The following SLC35B1 variants were observed in gnomAD, a reference collection of about 807,000 sequenced individuals.
SLC35B1 encodes solute carrier family 35 member B1, also known as ATP/ADP exchanger ER.
A neutral mutation model predicts 36.6 loss-of-function variants in SLC35B1; 27 were observed. The observed-to-expected ratio is 0.74, with a 90% CI of 0.54 to 1.02. The LOEUF is 1.02. Among genes scored for constraint, SLC35B1 ranks in the 50% least tolerant of loss-of-function variants. The pLI, the probability that SLC35B1 is intolerant of heterozygous loss-of-function variation, is 0.00. For synonymous variants in SLC35B1, 162 were observed against 152.5 expected (o/e 1.06, Z -0.46); for missense variants, 321 against 383.2 (o/e 0.84, Z 1.35).
rs2073435652 is a variant in SLC35B1, at chr17:49,707,604, T to C, written c.104+126A>G. On this transcript the variant is annotated intron_variant, in intron 1 of 8. Coordinates refer to ENST00000240333, the MANE Select transcript of SLC35B1 (RefSeq NM_005827.4). ...GGCTCAGCCATAGCTGCAAAAGTAG[T>C]AGGGTGCTAAGAGGGCGACAGCCGG... The C allele has an allele frequency of 8.3e-6, 12 of 1,447,262 alleles. No homozygotes were observed. In the South Asian group the frequency reaches 1.6e-4, roughly 20 times the overall value. 89.7% of individuals were successfully genotyped at this position (1,447,262 alleles called of 1,614,324 possible).
rs748233244 is a variant in SLC35B1 at position 49,706,221 on chromosome 17, C to G, written c.322G>C (p.Val108Leu). 7 of 1,599,226 alleles carry G rather than the reference C, an allele frequency of 4.4e-6. No individual in the cohort carries two copies. In the East Asian group the frequency reaches 1.1e-4, roughly 26 times the overall value. Residue 108 changes from valine (V) to leucine (L), a missense_variant, in exon 3 of 9, where the codon GTC becomes CTC. By Grantham distance (32) the Val-to-Leu change is conservative. Coordinates refer to ENST00000240333, the MANE Select transcript of SLC35B1 (RefSeq NM_005827.4). ...GGTTTCACCTGAGTTGGGTAGTTGA[C>G]AAACTGTAGTGCTGAATTGCTGGAG... ...MVSSNSALQF[V>L]NYPTQVLGKS...
At chr17:49,701,740 A>G in intron 8 of SLC35B1, 1 of 461,838 alleles carries the variant, frequency 2.2e-6, no homozygotes, top group Non-Finnish European at 3.9e-6. Flanking sequence ...AGAGATACAG[A>G]TAGATATAGA....
At chr17:49,704,063 G>A (rs762236424) in intron 6 of SLC35B1, 37 bp downstream of exon 6, 2 of 1,613,260 alleles carry the variant, frequency 1.2e-6, no homozygotes. Context: ...CCTGCCCTCT[G>A]GTGATACATG....
chr17:49,703,322 G>C (rs1285074351), intron 6 of SLC35B1, 28 bp from the exon 7 acceptor site: 23 of 1,462,856 alleles, frequency 1.6e-5, no homozygotes, highest in Non-Finnish European at 1.9e-5. Flanking sequence ...CAAATGTACG[G>C]CGCATTTTGT....
Position 49,705,323 on chromosome 17 carries a change from G to T in SLC35B1, c.371-42C>A, listed in dbSNP as rs2073402598. The T allele has an allele frequency of 2.5e-6, 4 of 1,591,138 alleles. No homozygotes were observed. The South Asian group carries it at 3.4e-5, about 13-fold the overall frequency. On this transcript the variant is annotated intron_variant, in intron 4 of 8. Transcript: ENST00000240333. ...GAGTGGAAAATTCAGGCATCCATAA[G>T]GTATTGATGACCCCAATGCCCTCCC...
chr17:49,707,970 G>A, upstream of SLC35B1: 5 of 1,529,090 alleles, frequency 3.3e-6, no homozygotes, highest in Non-Finnish European at 4.4e-6. Flanking sequence ...CCGCTGTCCA[G>A]CAGGGCCCAG....
At chr17:49,707,097 G>A (rs368647299) in intron 1 of SLC35B1, 29 bp from the exon 2 acceptor site, 6 of 1,560,854 alleles carry the variant, frequency 3.8e-6, no homozygotes, top group African/African-American at 2.7e-5. Flanking sequence ...AGAAAAGAGG[G>A]AGAAATTAGT....
chr17:49,701,693 A>C (rs776180269), intron 8 of SLC35B1, 183 bp from the exon 9 acceptor site: 24 of 568,976 alleles, frequency 4.2e-5, no homozygotes, highest in Non-Finnish European at 7.2e-5. Flanking sequence ...GATACTAGTT[A>C]TTACAGATAT....
chr17:49,706,100 A>G, intron 3 of SLC35B1, 104 bp downstream of exon 3: 3 of 1,006,080 alleles, frequency 3.0e-6, no homozygotes, highest in Non-Finnish European at 4.3e-6. Flanking sequence ...CAGGACCGTT[A>G]TCTTTTTTTT....
upstream of SLC35B1, chr17:49,708,023 A>G (rs2073444762): frequency 1.6e-6 from 2 of 1,235,448 alleles, no homozygotes; most frequent in African/African-American, 3.0e-5. Flanking sequence ...CCAAGGGGGA[A>G]ACTCCTCAGA....
Position 49,703,974 on chromosome 17 carries a change from A to T in SLC35B1, c.655+126T>A. Reference sequence around the variant, plus strand: ...CCAGGAAGGTTTCTCAAGGGCTTGAACAAAAGGGCATCTTGGAACTAATTC... The same window carrying T: ...CCAGGAAGGTTTCTCAAGGGCTTGATCAAAAGGGCATCTTGGAACTAATTC... On this transcript the variant is annotated intron_variant, in intron 6 of 8. Coordinates refer to ENST00000240333, the MANE Select transcript of SLC35B1 (RefSeq NM_005827.4). 14 of 1,307,614 alleles carry T rather than the reference A, an allele frequency of 1.1e-5. No homozygotes were observed. In the South Asian group the frequency reaches 1.7e-4, roughly 16 times the overall value. The allele number at this position is 1,307,614 out of a possible 1,614,324, so 81.0% of individuals were successfully genotyped here.
intron 1 of SLC35B1, 121 bp from the exon 2 acceptor site, chr17:49,707,189 TTTG>T: frequency 7.6e-7 from 1 of 1,321,402 alleles, no homozygotes. Flanking sequence ...GTAGGCAGAG[TTTG>T]TTAAGGACCA....
At chr17:49,707,689 G>A (rs2073437018) in intron 1 of SLC35B1, 41 bp downstream of exon 1, 2 of 1,596,386 alleles carry the variant, frequency 1.3e-6, no homozygotes, top group African/African-American at 1.3e-5. Context: ...CCCTGTCACA[G>A]GCTGGGGAGA....
At position 49,706,301 on chromosome 17, in the gene SLC35B1, C is replaced by T. The variant is rs1135034; in HGVS notation, c.242G>A (p.Arg81His). The T allele has an allele frequency of 0.081, 121,312 of 1,490,576 alleles. 5,124 individuals carry two copies. Among genetic ancestry groups the T allele is most frequent in the African/African-American group, 0.098 (6,047 of 61,792 alleles). The allele number at this position is 1,490,576 out of a possible 1,614,324, so 92.3% of individuals were successfully genotyped here. A position where few individuals can be genotyped will look rare whatever the true frequency, so the allele number is the denominator to read the frequency against. Residue 81 changes from arginine to histidine, a missense_variant, in exon 3 of 9, where the codon CGT becomes CAT. Coordinates refer to ENST00000240333, the MANE Select transcript of SLC35B1 (RefSeq NM_005827.4). ...IQFFDTARVD[R>H]TRSWLYAACS... ...GGCAGCATAGAGCCAGCTCCGGGTA[C>T]GATCCACCCTGGCAGTGTCAAAAAA...
At position 49,702,938 on chromosome 17, in the gene SLC35B1, A is replaced by G. The variant is rs1466156043; in HGVS notation, c.836T>C (p.Phe279Ser). Residue 279 changes from phenylalanine (F) to serine (S), a missense_variant, in exon 8 of 9, where the codon TTC becomes TCC. Coordinates refer to ENST00000240333, the MANE Select transcript of SLC35B1 (RefSeq NM_005827.4). ...CSIITTTRKF[F>S]TILASVILFA... Reference sequence around the variant, plus strand: ...GAGGATCACAGAGGCCAAAATTGTGAAGAACTTTCGAGTTGTAGTGATGAT... The same window carrying G: ...GAGGATCACAGAGGCCAAAATTGTGGAGAACTTTCGAGTTGTAGTGATGAT... The G allele has an allele frequency of 6.2e-7, 1 of 1,614,164 alleles. No homozygotes were observed. Among genetic ancestry groups the G allele is most frequent in the Non-Finnish European group, 8.5e-7 (1 of 1,180,026 alleles).
chr17:49,703,341 A>C (rs767180722), intron 6 of SLC35B1, 47 bp from the exon 7 acceptor site: 1 of 1,042,914 alleles, frequency 9.6e-7, no homozygotes, highest in South Asian at 1.3e-5. Context: ...GTGCACACAA[A>C]ATGTGCGCAC....
chr17:49,707,395 T>C (rs753771286), intron 1 of SLC35B1: 26 of 1,433,084 alleles, frequency 1.8e-5, no homozygotes, highest in Middle Eastern at 1.8e-4. Flanking sequence ...CGAGGACGAA[T>C]AGGTTGTTTG....
chr17:49,704,322 C>A, intron 5 of SLC35B1, 96 bp from the exon 6 acceptor site: 1 of 1,469,948 alleles, frequency 6.8e-7, no homozygotes, highest in Non-Finnish European at 9.3e-7. Flanking sequence ...CCTTGGAAAG[C>A]CACTGCCTTT....
At chr17:49,703,918 T>C (rs1002536045) in intron 6 of SLC35B1, 182 bp downstream of exon 6, 8 of 638,900 alleles carry the variant, frequency 1.3e-5, no homozygotes, top group Non-Finnish European at 2.2e-5. Context: ...CAGTAACAAG[T>C]AGCAAACAAA....
Sources: allele counts gnomAD v4.1 joint callset, GRCh38; gene constraint gnomAD v4.1.1; transcripts MANE v1.5; gene names NCBI Gene and HGNC (gene_info 2026-07-23, HGNC 2026-07-21).